The following CECR2 variants were observed in gnomAD, a reference collection of about 807,000 sequenced individuals.
CECR2 encodes the protein chromatin remodeling regulator CECR2.
In CECR2, 30 loss-of-function variants were observed where a neutral mutation model predicts 154.5. That is an observed-to-expected ratio of 0.19 (90% confidence interval 0.15 to 0.26). The LOEUF (loss-of-function observed/expected upper bound fraction) is 0.26, where lower values mean the gene tolerates loss of function less well. Ranked by LOEUF, CECR2 falls within the 10% of genes least tolerant of loss-of-function variation. The pLI, the probability that CECR2 is intolerant of heterozygous loss-of-function variation, is 1.00. For missense variants in CECR2, 1,743 were observed against 1,829.3 expected, an observed-to-expected ratio of 0.95 and a Z score of 0.86; for synonymous variants, 725 against 683.7, an observed-to-expected ratio of 1.06 and a Z score of -0.94.
intron 1 of CECR2, among the ~76,000 whole-genome samples, chr22:17,373,085 C>G (rs573544386): frequency 6.6e-6 from 1 of 152,166 alleles, no homozygotes; most frequent in East Asian, 1.9e-4. Flanking sequence ...TTTTCTGAGA[C>G]GGAGTCTCAC....
intron 1 of CECR2, among the ~76,000 whole-genome samples, chr22:17,450,357 G>C (rs542296047): frequency 6.6e-6 from 1 of 152,280 alleles, no homozygotes; most frequent in African/African-American, 2.4e-5. Flanking sequence ...TGCAACCTCT[G>C]CCTCCCGTGT....
chr22:17,472,941 T>C (rs762092882), intron 1 of CECR2, among the ~76,000 whole-genome samples: 1 of 152,132 alleles, frequency 6.6e-6, no homozygotes, highest in Non-Finnish European at 1.5e-5. Flanking sequence ...TTAAGAGGTA[T>C]GTAAAGGCCC....
chr22:17,549,412 A>G lies in CECR2; in HGVS notation c.4125A>G (p.Pro1375=), dbSNP rs750426000. 3.7e-6 allele frequency: 6 copies of G among 1,613,630 alleles called. No individual in the cohort carries two copies. The highest frequency in any genetic ancestry group is 2.2e-5 in the South Asian group (2 of 91,066). The change falls in exon 17 of 19, where the codon CCA becomes CCG. Residue 1375 remains proline (P), a synonymous_variant. Coordinates refer to ENST00000262608, the MANE Select transcript of CECR2 (RefSeq NM_001290047.2). ...TGGCTGCCCTCCCACCTCACCACCC[A>G]GGGGCCACCCAGCCCAACGGCCTCT... ...SPVAALPPHH[P]GATQPNGLSQ...
intron 1 of CECR2, among the ~76,000 whole-genome samples, chr22:17,467,913 G>T (rs1361614240): frequency 2.6e-5 from 4 of 152,208 alleles, no homozygotes; most frequent in Non-Finnish European, 5.9e-5. Context: ...GATCTTTTGA[G>T]ACCATGAGCT....
At chr22:17,425,309 A>G (rs886542953) in intron 1 of CECR2, among the ~76,000 whole-genome samples, 3 of 151,952 alleles carry the variant, frequency 2.0e-5, no homozygotes, top group Non-Finnish European at 2.9e-5. Context: ...CCCTGGAATG[A>G]TTTTTGGTGT....
In CECR2 at chr22:17,549,040, A is replaced by C. The variant is rs1288722407; in HGVS notation, c.3753A>C (p.Thr1251=). 1.9e-6 allele frequency: 3 copies of C among 1,613,992 alleles called. No homozygotes were observed. The highest frequency in any genetic ancestry group is 2.5e-6 in the Non-Finnish European group (3 of 1,179,880). ...TGGCCAGTCTGCAAGGCTGTGAGAC[A>C]CTGAATGCTGCCTTAACTTCTCCAA... ...NAMASLQGCE[T]LNAALTSPTR... Residue 1251 remains threonine, a synonymous_variant, in exon 17 of 19, where the codon ACA becomes ACC. Coordinates refer to ENST00000262608, the MANE Select transcript of CECR2 (RefSeq NM_001290047.2).
Position 17,555,340 on chromosome 22 carries a change from A to G in CECR2, c.*2500A>G, listed in dbSNP as rs188453787. The G allele has an allele frequency of 3.3e-5, 5 of 152,410 alleles. No homozygotes were observed. In the East Asian group the frequency reaches 9.6e-4, roughly 29 times the overall value. 9.4% of individuals were successfully genotyped at this position (152,410 alleles called of 1,614,324 possible). On this transcript the variant is annotated 3_prime_UTR_variant, in exon 19 of 19. Coordinates refer to ENST00000262608, the MANE Select transcript of CECR2 (RefSeq NM_001290047.2). ...ACTACTGTATTATAACACTGTGAAC[A>G]AGAACATCAGCAGCAGCAGAATTGT...
chr22:17,374,942 G>C (rs569442828), intron 1 of CECR2, among the ~76,000 whole-genome samples: 23 of 152,074 alleles, frequency 1.5e-4, no homozygotes, highest in Admixed American at 1.2e-3. Flanking sequence ...TGCTTCTGCA[G>C]GTCTTATTAT....
At chr22:17,458,414 CAAA>C (rs1421816705) in intron 1 of CECR2, among the ~76,000 whole-genome samples, 2 of 97,518 alleles carry the variant, frequency 2.1e-5, no homozygotes, top group Non-Finnish European at 2.2e-5. Context: ...TCTCTGTCTC[CAAA>C]AAAAAAAAAA....
chr22:17,364,395 C>T (rs1427837649), intron 1 of CECR2, among the ~76,000 whole-genome samples: 1 of 144,558 alleles, frequency 6.9e-6, no homozygotes, highest in Non-Finnish European at 1.5e-5. Context: ...TAGTTATACA[C>T]AGTTGACTAA....
rs140082082 is a variant in CECR2 at position 17,399,215 on chromosome 22, T to C, written c.126+29306T>C. 7.6e-4 allele frequency among the ~76,000 whole-genome samples: 115 copies of C among 152,316 alleles called. 1 individual carries two copies. Among genetic ancestry groups the C allele is most frequent in the African/African-American group, 2.7e-3 (112 of 41,570 alleles). ...GAGGTGGGACGCCAGATGCCCATCC[T>C]GGCTTTAGCTCCAAGTTTTAGCTTT... On this transcript the variant is annotated intron_variant, in intron 1 of 18. Coordinates refer to ENST00000262608, the MANE Select transcript of CECR2 (RefSeq NM_001290047.2).
chr22:17,491,272 C>T (rs552468827), intron 2 of CECR2, among the ~76,000 whole-genome samples: 1 of 152,106 alleles, frequency 6.6e-6, no homozygotes, highest in East Asian at 1.9e-4. Context: ...TGCAACTTGG[C>T]GAAACTTCCA....
intron 1 of CECR2, among the ~76,000 whole-genome samples, chr22:17,471,795 A>G (rs984198965): frequency 2.0e-5 from 3 of 152,220 alleles, no homozygotes; most frequent in Middle Eastern, 3.4e-3. Context: ...TCAGCCTCCC[A>G]AAGTGCTGGG....
At chr22:17,406,496 C>G (rs1194357961) in intron 1 of CECR2, among the ~76,000 whole-genome samples, 1 of 152,188 alleles carries the variant, frequency 6.6e-6, no homozygotes, top group African/African-American at 2.4e-5. Flanking sequence ...GCACTCCACC[C>G]TGGGGGGTGA....
intron 1 of CECR2, among the ~76,000 whole-genome samples, chr22:17,427,550 A>C (rs1197630256): frequency 2.0e-5 from 3 of 152,034 alleles, no homozygotes; most frequent in African/African-American, 7.3e-5. Context: ...GGTCTCGCTG[A>C]CTTTAGGAGT....
At chr22:17,384,101 A>T (rs1021972733) in intron 1 of CECR2, among the ~76,000 whole-genome samples, 1 of 152,198 alleles carries the variant, frequency 6.6e-6, no homozygotes, top group Non-Finnish European at 1.5e-5. Flanking sequence ...ACTCCTGTTA[A>T]TATGGATATT....
chr22:17,549,282 G>T lies in CECR2; in HGVS notation c.3995G>T (p.Gly1332Val). ...PPPLSSGMGFGSSAFPPHSVM... is the reference protein window; with the variant it reads ...PPPLSSGMGFVSSAFPPHSVM... The stretch of plus-strand genomic sequence containing the variant: ...CCTCTGAGTTCAGGAATGGGATTTG[G>T]TTCATCTGCATTTCCACCCCACAGT... The change falls in exon 17 of 19, where the codon GGT becomes GTT. Residue 1332 changes from glycine to valine, a missense_variant. This residue lies in a region of CECR2 where 1,250 missense variants were observed against 1,192.1 expected (regional missense o/e 1.05). Transcript: ENST00000262608. 1 of 1,613,992 alleles carries T rather than the reference G, an allele frequency of 6.2e-7. No homozygotes were observed. Among genetic ancestry groups the T allele is most frequent in the Non-Finnish European group, 8.5e-7 (1 of 1,179,898 alleles).
intron 1 of CECR2, among the ~76,000 whole-genome samples, chr22:17,362,293 C>T (rs1198842002): frequency 6.6e-6 from 1 of 152,240 alleles, no homozygotes; most frequent in East Asian, 1.9e-4. Context: ...ATCCACCTGC[C>T]TCGGCCTCCG....
At chr22:17,378,370 C>T (rs2063145498) in intron 1 of CECR2, among the ~76,000 whole-genome samples, 1 of 150,614 alleles carries the variant, frequency 6.6e-6, no homozygotes, top group Non-Finnish European at 1.5e-5. Flanking sequence ...GATCTCGGCT[C>T]ACTGCAACCT....
Sources: gnomAD v4.1 joint callset for allele counts (sites outside exome capture counted in the v4.1 genomes callset) on GRCh38, gnomAD v4.1.1 for gene constraint, gnomAD v4.1.1 regional missense constraint, MANE v1.5 for transcripts, NCBI Gene and HGNC (gene_info 2026-07-23, HGNC 2026-07-21) for gene names.